Variants in MPP7 observed in about 807,000 individuals in gnomAD.
MPP7 encodes MAGUK p55 subfamily member 7.
MPP7 carries 60 observed loss-of-function variants against 76.5 expected under a neutral mutation model. That is an observed-to-expected ratio of 0.78 (90% CI 0.64 to 0.97). The LOEUF is 0.97. Among genes scored for constraint, MPP7 ranks in the 50% least tolerant of loss-of-function variants. The pLI is 0.00. For synonymous variants in MPP7, 237 were observed against 244.5 expected (o/e 0.97, Z 0.29); for missense variants, 641 against 694.0 (o/e 0.92, Z 0.86).
intron 2 of MPP7, among the ~76,000 whole-genome samples, chr10:28,329,778 A>G (rs1458008346): frequency 6.6e-6 from 1 of 152,206 alleles, no homozygotes; most frequent in African/African-American, 2.4e-5. Flanking sequence ...TGAAATGAGG[A>G]TTTCCAGTAA....
intron 11 of MPP7, among the ~76,000 whole-genome samples, chr10:28,115,873 C>A (rs1588793954): frequency 6.6e-6 from 1 of 152,118 alleles, no homozygotes; most frequent in South Asian, 2.1e-4. Context: ...ACAAATTCTA[C>A]AATAAAATAT....
intron 2 of MPP7, among the ~76,000 whole-genome samples, chr10:28,228,705 G>A (rs1009175911): frequency 2.6e-5 from 4 of 152,006 alleles, no homozygotes; most frequent in Non-Finnish European, 4.4e-5. Context: ...AGGTTGCAGT[G>A]AGCTGAGATC....
upstream of MPP7, among the ~76,000 whole-genome samples, chr10:28,334,924 G>A (rs934252850): frequency 6.6e-6 from 1 of 152,196 alleles, no homozygotes; most frequent in African/African-American, 2.4e-5. Flanking sequence ...CAAGCAACAC[G>A]TTTTTGAATC....
intron 3 of MPP7, among the ~76,000 whole-genome samples, chr10:28,156,973 G>T (rs1836084691): frequency 6.6e-6 from 1 of 152,150 alleles, no homozygotes; most frequent in South Asian, 2.1e-4. Flanking sequence ...ACTTTGGGAG[G>T]CCGAGGCAAG....
chr10:28,113,829 A>G (rs1834578783), intron 11 of MPP7, among the ~76,000 whole-genome samples: 2 of 152,208 alleles, frequency 1.3e-5, no homozygotes, highest in Admixed American at 6.5e-5. Flanking sequence ...ATCATGACAA[A>G]ATCATGTTTT....
chr10:28,066,860 AT>A (rs1239535356), intron 13 of MPP7, among the ~76,000 whole-genome samples: 1 of 152,186 alleles, frequency 6.6e-6, no homozygotes, highest in African/African-American at 2.4e-5. Flanking sequence ...GTTCATTCTC[AT>A]TGCTTTACAG....
chr10:28,158,880 T>C (rs1486867454), intron 3 of MPP7, among the ~76,000 whole-genome samples: 1 of 152,300 alleles, frequency 6.6e-6, no homozygotes, highest in East Asian at 1.9e-4. Flanking sequence ...GGCCAACTTC[T>C]GTCTCCCTGT....
intron 3 of MPP7, among the ~76,000 whole-genome samples, chr10:28,175,727 A>G (rs1275591430): frequency 6.6e-6 from 1 of 152,188 alleles, no homozygotes; most frequent in Non-Finnish European, 1.5e-5. Flanking sequence ...ACTTTAGACA[A>G]ACTGATCTTC....
intron 1 of MPP7, among the ~76,000 whole-genome samples, chr10:28,282,545 C>G (rs1434292923): frequency 6.6e-6 from 1 of 151,956 alleles, no homozygotes; most frequent in African/African-American, 2.4e-5. Flanking sequence ...GCCACTCAGA[C>G]AGAAATGAGA....
chr10:28,295,518 T>G (rs1487973139), intron 1 of MPP7, among the ~76,000 whole-genome samples: 1 of 152,138 alleles, frequency 6.6e-6, no homozygotes, highest in African/African-American at 2.4e-5. Context: ...CAACTCCAAA[T>G]TTTTACAACA....
chr10:28,169,161 A>G (rs986728625), intron 3 of MPP7, among the ~76,000 whole-genome samples: 2 of 152,024 alleles, frequency 1.3e-5, no homozygotes, highest in Non-Finnish European at 2.9e-5. Context: ...TTGTGGTGAC[A>G]CTTTGCTGGT....
intron 11 of MPP7, among the ~76,000 whole-genome samples, chr10:28,113,017 C>T (rs2133573408): frequency 6.6e-6 from 1 of 152,310 alleles, no homozygotes; most frequent in Middle Eastern, 3.4e-3. Context: ...CTGCCTTATA[C>T]AACTGCCTGC....
chr10:28,093,639 G>T (rs1239275889), intron 11 of MPP7, among the ~76,000 whole-genome samples: 1 of 151,938 alleles, frequency 6.6e-6, no homozygotes, highest in Non-Finnish European at 1.5e-5. Flanking sequence ...TAGAGATGGG[G>T]TTTCTCCATG....
chr10:28,077,671 C>T (rs896546466), intron 12 of MPP7, among the ~76,000 whole-genome samples: 1 of 152,184 alleles, frequency 6.6e-6, no homozygotes, highest in African/African-American at 2.4e-5. Flanking sequence ...TATTCATACG[C>T]CTCTGCAATA....
Position 28,052,280 on chromosome 10 carries a change from CCAAA to C in MPP7, c.*1781_*1784del, listed in dbSNP as rs1851388328. 2 of 152,126 alleles carry C rather than the reference CCAAA, an allele frequency of 1.3e-5. No homozygotes were observed. The highest frequency in any genetic ancestry group is 2.9e-5 in the Non-Finnish European group (2 of 68,028). 9.4% of individuals were successfully genotyped at this position (152,126 alleles called of 1,614,324 possible). Reference sequence around the variant, plus strand: ...ATGTTCAAAGAAGGAAATATGCTACCCAAACAATCTACTTAAGACTTCAGGTTGG... The same window carrying C: ...ATGTTCAAAGAAGGAAATATGCTACCCAATCTACTTAAGACTTCAGGTTGG... On this transcript the variant is annotated 3_prime_UTR_variant, in exon 17 of 17. Coordinates refer to ENST00000683449, the MANE Select transcript of MPP7 (RefSeq NM_001318170.2).
intron 11 of MPP7, among the ~76,000 whole-genome samples, chr10:28,101,454 T>C (rs963247827): frequency 6.6e-6 from 1 of 152,068 alleles, no homozygotes; most frequent in African/African-American, 2.4e-5. Context: ...AAAAAACACC[T>C]AGGAGTAGAT....
intron 1 of MPP7, among the ~76,000 whole-genome samples, chr10:28,263,316 A>T (rs1840049065): frequency 6.6e-6 from 1 of 151,920 alleles, no homozygotes; most frequent in Admixed American, 6.6e-5. Flanking sequence ...GGGCCTGGGG[A>T]GGGTAAAGTC....
rs1564741234 is a variant in MPP7, at chr10:28,262,209, A to ACG, written c.-131-23475_-131-23474insCG. Among the ~76,000 whole-genome samples the ACG allele has an allele frequency of 8.1e-3, 99 of 12,252 alleles. 7 individuals carry two copies. Among genetic ancestry groups the ACG allele is most frequent in the Non-Finnish European group, 0.027 (92 of 3,356 alleles). The allele number at this position is 12,252 out of a possible 152,430, so 8.0% of individuals were successfully genotyped here. A position where few individuals can be genotyped will look rare whatever the true frequency, so the allele number is the denominator to read the frequency against. On this transcript the variant is annotated intron_variant, in intron 1 of 16. Coordinates refer to ENST00000683449, the MANE Select transcript of MPP7 (RefSeq NM_001318170.2). ...ATTATATATATATATATATATATAC[A>ACG]TATATATATATATATACATATATAT...
chr10:28,120,570 G>T (rs889128892), intron 9 of MPP7, 24 bp downstream of exon 9: 1 of 1,606,102 alleles, frequency 6.2e-7, no homozygotes, highest in Non-Finnish European at 8.5e-7. Flanking sequence ...CACGCACGAA[G>T]AAATGTTTTT....
Sources: gnomAD v4.1 joint callset for allele counts (sites outside exome capture counted in the v4.1 genomes callset) on GRCh38, gnomAD v4.1.1 for gene constraint, MANE v1.5 for transcripts, NCBI Gene and HGNC (gene_info 2026-07-23, HGNC 2026-07-21) for gene names.